VN1R2: variants seen among roughly 807,000 people sequenced by gnomAD.
The protein encoded by VN1R2 is vomeronasal type-1 receptor 2.
For missense variants in VN1R2, 418 were observed against 452.4 expected (o/e 0.92, Z 0.69); for synonymous variants, 160 against 173.1 (o/e 0.92, Z 0.59).
In VN1R2 at chr19:53,259,268, T is replaced by C; in HGVS notation, c.893T>C (p.Ile298Thr). 1 of 1,614,104 alleles carries C rather than the reference T, an allele frequency of 6.2e-7. No homozygotes were observed. Residue 298 changes from isoleucine to threonine, a missense_variant, in exon 1 of 1, where the codon ATC (isoleucine) becomes ACC (threonine). Coordinates refer to ENST00000341702, the MANE Select transcript of VN1R2 (RefSeq NM_173856.2). ...AGGCACAAACAGCAGGTACAACACA[T>C]CTGTAGGAACAATCTCTACCCCAAC... ...LYRHKQQVQH[I>T]CRNNLYPNSS...
rs2091327301 is a variant in VN1R2, at chr19:53,259,538, T to C, written c.1163T>C (p.Phe388Ser). ...ATCTGCTGCAGAAGAAATAGACGAT[T>C]CTTTCATGATTTCAGGAAAATGTGA... ...CSICCRRNRR[F>S]FHDFRKM Residue 388 changes from phenylalanine to serine, a missense_variant, in exon 1 of 1, where the codon TTC becomes TCC. Coordinates refer to ENST00000341702, the MANE Select transcript of VN1R2 (RefSeq NM_173856.2). 2.5e-6 allele frequency: 4 copies of C among 1,610,784 alleles called. No individual in the cohort carries two copies. The highest frequency in any genetic ancestry group is 3.3e-4 in the Middle Eastern group (2 of 6,034).
In VN1R2 at chr19:53,259,198, G is replaced by A. The variant is rs1397285397; in HGVS notation, c.823G>A (p.Gly275Arg). The A allele has an allele frequency of 1.2e-5, 19 of 1,613,954 alleles. No individual in the cohort carries two copies. The highest frequency in any genetic ancestry group is 1.6e-5 in the Non-Finnish European group (19 of 1,180,022). The part of the protein sequence containing the change: ...LTSFHDVLCL[G>R]LMLWASSSIV... ...ATCCTTCCATGATGTTTTGTGTCTGGGGCTCATGCTCTGGGCCAGCAGCTC... is the reference window on the plus strand; with the variant it reads ...ATCCTTCCATGATGTTTTGTGTCTGAGGCTCATGCTCTGGGCCAGCAGCTC... Residue 275 changes from glycine to arginine, a missense_variant, in exon 1 of 1, where the codon GGG (glycine) becomes AGG (arginine). Gly to Arg is a moderately radical substitution (Grantham distance 125). Coordinates refer to ENST00000341702, the MANE Select transcript of VN1R2 (RefSeq NM_173856.2).
chr19:53,259,182 T>C lies in VN1R2; in HGVS notation c.807T>C (p.His269=), dbSNP rs773360181. 1.2e-6 allele frequency: 2 copies of C among 1,614,188 alleles called. No individual in the cohort carries two copies. The highest frequency in any genetic ancestry group is 1.7e-6 in the Non-Finnish European group (2 of 1,180,024). ...TATATGCAGCATTGACATCCTTCCA[T>C]GATGTTTTGTGTCTGGGGCTCATGC... is the stretch of plus-strand genomic sequence containing the variant. ...KSVYAALTSF[H]DVLCLGLMLW... The change falls in exon 1 of 1, where the codon CAT becomes CAC. Residue 269 remains histidine, a synonymous_variant. Transcript: ENST00000341702.
In VN1R2 at chr19:53,259,404, T is replaced by C; in HGVS notation, c.1029T>C (p.Asn343=). Residue 343 remains asparagine, a synonymous_variant, in exon 1 of 1, where the codon AAT becomes AAC. Coordinates refer to ENST00000341702, the MANE Select transcript of VN1R2 (RefSeq NM_173856.2). The part of the protein sequence containing the change: ...ITYVYLALFD[N]SSWWLVNTAA... The stretch of plus-strand genomic sequence containing the variant: ...ACGTTTATTTAGCTCTCTTCGATAA[T>C]TCCAGTTGGTGGCTAGTGAACACTG... 6.2e-7 allele frequency: 1 copy of C among 1,614,254 alleles called. No individual in the cohort carries two copies. Among genetic ancestry groups the C allele is most frequent in the Non-Finnish European group, 8.5e-7 (1 of 1,180,046 alleles).
At position 53,258,430 on chromosome 19, in the gene VN1R2, G is replaced by A. The variant is rs201135902; in HGVS notation, c.55G>A (p.Ala19Thr). The change falls in exon 1 of 1, where the codon GCA becomes ACA. Residue 19 changes from alanine to threonine, a missense_variant. Ala to Thr is a moderately conservative substitution (Grantham distance 58, BLOSUM62 0). Coordinates refer to ENST00000341702, the MANE Select transcript of VN1R2 (RefSeq NM_173856.2). ...TGCTTTGTATCCAATAAATATCAGC[G>A]CAGCCTGGCATTTGGGGCCACTACC... ...PFALYPINIS[A>T]AWHLGPLPVS... 5.4e-4 allele frequency: 412 copies of A among 762,256 alleles called. 1 individual carries two copies. Among genetic ancestry groups the A allele is most frequent in the Non-Finnish European group, 3.0e-4 (128 of 427,624 alleles). 47.2% of individuals were successfully genotyped at this position (762,256 alleles called of 1,614,324 possible).
Position 53,259,376 on chromosome 19 carries a change from C to G in VN1R2, c.1001C>G (p.Thr334Ser), listed in dbSNP as rs1240081215. ...TTATGTTACGCCCTTTCCTTCATCACCTACGTTTATTTAGCTCTCTTCGAT... is the reference window on the plus strand; with the variant it reads ...TTATGTTACGCCCTTTCCTTCATCAGCTACGTTTATTTAGCTCTCTTCGAT... ...FALCYALSFI[T>S]YVYLALFDNS... Residue 334 changes from threonine (T) to serine (S), a missense_variant, in exon 1 of 1, where the codon ACC becomes AGC. Physicochemically the swap from Thr to Ser is moderately conservative, Grantham distance 58. Coordinates refer to ENST00000341702, the MANE Select transcript of VN1R2 (RefSeq NM_173856.2). 1 of 1,614,212 alleles carries G rather than the reference C, an allele frequency of 6.2e-7. No homozygotes were observed. The highest frequency in any genetic ancestry group is 1.1e-5 in the South Asian group (1 of 91,088).
chr19:53,259,077 A>G lies in VN1R2; in HGVS notation c.702A>G (p.Lys234=). 1.2e-6 allele frequency: 2 copies of G among 1,614,230 alleles called. No homozygotes were observed. The highest frequency in any genetic ancestry group is 2.2e-5 in the East Asian group (1 of 44,892). ...TTTTTCCTATTTATACAACTGGCAAATGGAGCAACAACAACATCACAAAGA... is the reference window on the plus strand; with the variant it reads ...TTTTTCCTATTTATACAACTGGCAAGTGGAGCAACAACAACATCACAAAGA... ...NAIFPIYTTG[K]WSNNNITKKG... is the part of the protein sequence containing the mutation. The change falls in exon 1 of 1, where the codon AAA becomes AAG. Residue 234 remains lysine (K), a synonymous_variant. Transcript: ENST00000341702.
At position 53,258,742 on chromosome 19, in the gene VN1R2, T is replaced by C; in HGVS notation, c.367T>C (p.Ser123Pro). The C allele has an allele frequency of 6.2e-7, 1 of 1,613,958 alleles. No homozygotes were observed. The change falls in exon 1 of 1, where the codon TCC becomes CCC. Residue 123 changes from serine to proline, a missense_variant. Physicochemically the swap from Ser to Pro is moderately conservative, Grantham distance 74. Coordinates refer to ENST00000341702, the MANE Select transcript of VN1R2 (RefSeq NM_173856.2). The stretch of plus-strand genomic sequence containing the variant: ...TTACTTTAGGGGATACAAGCCAAGA[T>C]CCACAGATTTGATTCTCAGGCACCT... ...FLYFRGYKPRSTDLILRHLTV... is the reference protein window; with the variant it reads ...FLYFRGYKPRPTDLILRHLTV...
upstream of VN1R2, chr19:53,258,596 ACT>A: frequency 1.3e-6 from 2 of 1,574,914 alleles, no homozygotes; most frequent in Non-Finnish European, 1.7e-6. Context: ...TTATTTCTAC[ACT>A]CTCTTGTCTC....
Position 53,258,566 on chromosome 19 carries a change from C to T in VN1R2, c.191C>T (p.Ser64Leu), listed in dbSNP as rs963874134. 3.2e-6 allele frequency: 5 copies of T among 1,553,178 alleles called. No homozygotes were observed. The highest frequency in any genetic ancestry group is 4.4e-6 in the Non-Finnish European group (5 of 1,147,840). Residue 64 changes from serine to leucine, a missense_variant, in exon 1 of 1, where the codon TCA becomes TTA. By Grantham distance (145) the Ser-to-Leu change is moderately radical. Transcript: ENST00000341702. Reference sequence around the variant, plus strand: ...CCCCAGACACAGCTGTCTTTTCTTTCATCTCTTTGTCTTGTGTCTTTATTT... The same window carrying T: ...CCCCAGACACAGCTGTCTTTTCTTTTATCTCTTTGTCTTGTGTCTTTATTT... ...VVPQTQLSFL[S>L]SLCLVSLFLH...
chr19:53,258,545 A>C lies in VN1R2; in HGVS notation c.170A>C (p.Gln57Pro), dbSNP rs759096333. 7.1e-6 allele frequency: 11 copies of C among 1,547,448 alleles called. No individual in the cohort carries two copies. In the South Asian group the frequency reaches 1.3e-4, roughly 18 times the overall value. Residue 57 changes from glutamine (Q) to proline (P), a missense_variant, in exon 1 of 1, where the codon CAG (glutamine) becomes CCG (proline). By Grantham distance (76) the Gln-to-Pro change is moderately conservative (BLOSUM62 -1). Transcript: ENST00000341702. ...CGCGTCTTGGTGGTAGTGGTCCCCCAGACACAGCTGTCTTTTCTTTCATCT... is the reference window on the plus strand; with the variant it reads ...CGCGTCTTGGTGGTAGTGGTCCCCCCGACACAGCTGTCTTTTCTTTCATCT... ...GLRVLVVVVP[Q>P]TQLSFLSSLC... is the part of the protein sequence containing the mutation.
At position 53,258,621 on chromosome 19, in the gene VN1R2, G is replaced by T. The variant is rs1019727454; in HGVS notation, c.246G>T (p.Glu82Asp). 3 of 1,603,646 alleles carry T rather than the reference G, an allele frequency of 1.9e-6. No individual in the cohort carries two copies. Among genetic ancestry groups the T allele is most frequent in the Non-Finnish European group, 2.6e-6 (3 of 1,174,122 alleles). ...FLHSLVSAHG[E>D]KPTKPVGLDP... is the part of the protein sequence containing the mutation. ...ACTCTCTTGTCTCTGCACACGGAGA[G>T]AAACCCACCAAACCTGTGGGGCTGG... is the stretch of plus-strand genomic sequence containing the variant. Residue 82 changes from glutamate (E) to aspartate (D), a missense_variant, in exon 1 of 1, where the codon GAG (glutamate) becomes GAT (aspartate). Physicochemically the swap from Glu to Asp is conservative, Grantham distance 45 (BLOSUM62 2). Coordinates refer to ENST00000341702, the MANE Select transcript of VN1R2 (RefSeq NM_173856.2).
At position 53,258,789 on chromosome 19, in the gene VN1R2, T is replaced by G. The variant is rs1457254054; in HGVS notation, c.414T>G (p.Val138=). ...ACCTGACTGTAGCTGACTCCTTGGT[T>G]ATCCTATCTAAAAGAATCCCAGAGA... ...LRHLTVADSL[V]ILSKRIPETM... is the part of the protein sequence containing the mutation. Residue 138 remains valine (V), a synonymous_variant, in exon 1 of 1, where the codon GTT becomes GTG. Transcript: ENST00000341702. 1.2e-6 allele frequency: 2 copies of G among 1,614,202 alleles called. No individual in the cohort carries two copies. Among genetic ancestry groups the G allele is most frequent in the African/African-American group, 2.7e-5 (2 of 75,056 alleles).
In VN1R2 at chr19:53,259,139, A is replaced by T. The variant is rs781039369; in HGVS notation, c.764A>T (p.Asp255Val). ...GGATATTGTTCTGCCCCACTTAGTG[A>T]TGAAGTCACAAAGTCAGTATATGCA... The part of the protein sequence containing the change: ...DLGYCSAPLS[D>V]EVTKSVYAAL... Residue 255 changes from aspartate to valine, a missense_variant, in exon 1 of 1, where the codon GAT becomes GTT. Physicochemically the swap from Asp to Val is radical, Grantham distance 152 (BLOSUM62 -3). Transcript: ENST00000341702. The T allele has an allele frequency of 6.2e-7, 1 of 1,614,082 alleles. No individual in the cohort carries two copies. Among genetic ancestry groups the T allele is most frequent in the Non-Finnish European group, 8.5e-7 (1 of 1,180,042 alleles).
chr19:53,259,074 C>T lies in VN1R2; in HGVS notation c.699C>T (p.Gly233=). ...VNAIFPIYTT[G]KWSNNNITKK... ...CCATTTTTCCTATTTATACAACTGGCAAATGGAGCAACAACAACATCACAA... is the reference window on the plus strand; with the variant it reads ...CCATTTTTCCTATTTATACAACTGGTAAATGGAGCAACAACAACATCACAA... Residue 233 remains glycine (G), a synonymous_variant, in exon 1 of 1, where the codon GGC becomes GGT. Transcript: ENST00000341702. 6.2e-7 allele frequency: 1 copy of T among 1,614,150 alleles called. No individual in the cohort carries two copies. The highest frequency in any genetic ancestry group is 8.5e-7 in the Non-Finnish European group (1 of 1,180,028).
upstream of VN1R2, chr19:53,258,724 AGGGG>A: frequency 2.5e-6 from 4 of 1,613,848 alleles, no homozygotes; most frequent in Non-Finnish European, 3.4e-6. Context: ...CCTTTACTTT[AGGGG>A]ATACAAGCCA....
rs1466099364 is a variant in VN1R2 at position 53,259,200 on chromosome 19, G to C, written c.825G>C (p.Gly275=). 4 of 1,614,118 alleles carry C rather than the reference G, an allele frequency of 2.5e-6. No individual in the cohort carries two copies. The highest frequency in any genetic ancestry group is 1.6e-4 in the Middle Eastern group (1 of 6,062). ...CCTTCCATGATGTTTTGTGTCTGGG[G>C]CTCATGCTCTGGGCCAGCAGCTCCA... ...LTSFHDVLCL[G]LMLWASSSIV... is the part of the protein sequence containing the mutation. Residue 275 remains glycine, a synonymous_variant, in exon 1 of 1, where the codon GGG becomes GGC. Coordinates refer to ENST00000341702, the MANE Select transcript of VN1R2 (RefSeq NM_173856.2).
chr19:53,259,229 T>G lies in VN1R2; in HGVS notation c.854T>G (p.Val285Gly), dbSNP rs755845215. Residue 285 changes from valine (V) to glycine (G), a missense_variant, in exon 1 of 1, where the codon GTT (valine) becomes GGT (glycine). Physicochemically the swap from Val to Gly is moderately radical, Grantham distance 109. Coordinates refer to ENST00000341702, the MANE Select transcript of VN1R2 (RefSeq NM_173856.2). ...GLMLWASSSI[V>G]LVLYRHKQQV... ...ATGCTCTGGGCCAGCAGCTCCATCG[T>G]TTTGGTCTTGTACAGGCACAAACAG... is the stretch of plus-strand genomic sequence containing the variant. 1 of 1,614,128 alleles carries G rather than the reference T, an allele frequency of 6.2e-7. No individual in the cohort carries two copies. The highest frequency in any genetic ancestry group is 1.1e-5 in the South Asian group (1 of 91,078).
chr19:53,259,228 G>GT (rs1568701135), exon 1 of VN1R2: 9 of 1,614,024 alleles, frequency 5.6e-6, no homozygotes, highest in Non-Finnish European at 7.6e-6. Context: ...CAGCTCCATC[G>GT]TTTTGGTCTT....
Sources: gnomAD v4.1 joint callset for allele counts on GRCh38, gnomAD v4.1.1 for gene constraint, MANE v1.5 for transcripts, NCBI Gene and HGNC (gene_info 2026-07-23, HGNC 2026-07-21) for gene names.